The following SLC71A1 variants were observed in gnomAD, a reference collection of about 807,000 sequenced individuals.
SLC71A1 encodes the protein solute carrier family 71 member 1.
chr1:100,038,420 T>C, the SLC71A1 span: 1 of 918,954 alleles, frequency 1.1e-6, no homozygotes. Context: ...CCTCCCTCCC[T>C]TCCCCCACCC....
chr1:100,049,898 G>A, the SLC71A1 span: 1 of 1,487,980 alleles, frequency 6.7e-7, no homozygotes, highest in South Asian at 1.2e-5. Context: ...AAAAAATCTT[G>A]TTTTTTATAG....
the SLC71A1 span, among the ~76,000 whole-genome samples, chr1:100,081,699 T>C: frequency 6.6e-6 from 1 of 152,216 alleles, no homozygotes; most frequent in Non-Finnish European, 1.5e-5. Flanking sequence ...GAGATCTTTC[T>C]ATAAACGTTT....
chr1:100,070,831 A>G, the SLC71A1 span, among the ~76,000 whole-genome samples: 1 of 152,128 alleles, frequency 6.6e-6, no homozygotes, highest in Non-Finnish European at 1.5e-5. Flanking sequence ...CTAGATTACA[A>G]CTTAGTTTTA....
At chr1:100,078,756 A>C in the SLC71A1 span, 1 of 461,174 alleles carries the variant, frequency 2.2e-6, no homozygotes, top group Admixed American at 3.7e-5. Context: ...TATGTGGCTT[A>C]TCTGTTCTGT....
chr1:100,050,130 A>G, the SLC71A1 span: 2 of 548,250 alleles, frequency 3.6e-6, no homozygotes, highest in Admixed American at 7.1e-5. Context: ...AGTATTCACC[A>G]GTATTTTACT....
the SLC71A1 span, chr1:100,080,484 T>G: frequency 6.2e-7 from 1 of 1,606,640 alleles, no homozygotes; most frequent in Non-Finnish European, 8.5e-7. Flanking sequence ...ATAATTTGTT[T>G]AAACAATGTA....
At chr1:100,038,646 C>G in the SLC71A1 span, among the ~76,000 whole-genome samples, 1 of 152,082 alleles carries the variant, frequency 6.6e-6, no homozygotes, top group African/African-American at 2.4e-5. Context: ...CGGCGGCCCG[C>G]CCGCCGCGCC....
At chr1:100,071,161 A>C in the SLC71A1 span, among the ~76,000 whole-genome samples, 1 of 151,972 alleles carries the variant, frequency 6.6e-6, no homozygotes, top group Non-Finnish European at 1.5e-5. Context: ...GCTTTAAAAA[A>C]AGTTTTTGAG....
the SLC71A1 span, chr1:100,078,435 G>A: frequency 6.5e-7 from 1 of 1,548,172 alleles, no homozygotes; most frequent in South Asian, 1.1e-5. Context: ...TTTTTGTTTT[G>A]CTGCTCTCCT....
the SLC71A1 span, among the ~76,000 whole-genome samples, chr1:100,067,575 C>G: frequency 1.3e-5 from 2 of 152,142 alleles, no homozygotes; most frequent in Non-Finnish European, 2.9e-5. Flanking sequence ...CTTCGGGAGG[C>G]TGAGGTGGGA....
At chr1:100,081,035 T>C in the SLC71A1 span, among the ~76,000 whole-genome samples, 33,337 of 152,176 alleles carry the variant, frequency 0.22, 5,118 homozygotes, top group African/African-American at 0.44. Context: ...TATTTCCCTC[T>C]TTTCAACTGA....
the SLC71A1 span, among the ~76,000 whole-genome samples, chr1:100,055,345 A>ATTTTTTTTTTTTT: frequency 7.1e-6 from 1 of 140,256 alleles, no homozygotes; most frequent in Non-Finnish European, 1.6e-5. Flanking sequence ...CTTTTTTGCA[A>ATTTTTTTTTTTTT]TTTTTTTTTT....
chr1:100,051,452 CAG>C, the SLC71A1 span, among the ~76,000 whole-genome samples: 3 of 149,022 alleles, frequency 2.0e-5, no homozygotes, highest in African/African-American at 7.4e-5. Flanking sequence ...AAAAAAATAT[CAG>C]AGGGTTTTTT....
chr1:100,056,440 A>C, the SLC71A1 span, among the ~76,000 whole-genome samples: 2 of 152,162 alleles, frequency 1.3e-5, no homozygotes, highest in African/African-American at 4.8e-5. Flanking sequence ...TTAGCTATTA[A>C]GAATAGTGCT....
chr1:100,050,840 A>G, the SLC71A1 span, among the ~76,000 whole-genome samples: 1 of 152,116 alleles, frequency 6.6e-6, no homozygotes, highest in African/African-American at 2.4e-5. Flanking sequence ...TAATCCCAGC[A>G]TTTTGGGAGG....
the SLC71A1 span, among the ~76,000 whole-genome samples, chr1:100,067,642 C>T: frequency 6.6e-6 from 1 of 151,956 alleles, no homozygotes; most frequent in African/African-American, 2.4e-5. Flanking sequence ...GTGACTTCCA[C>T]CTCTATAAAA....
At chr1:100,066,342 A>G in the SLC71A1 span, among the ~76,000 whole-genome samples, 1 of 152,218 alleles carries the variant, frequency 6.6e-6, no homozygotes, top group Admixed American at 6.5e-5. Context: ...GAAAAGTCAC[A>G]GTGAAATTGG....
chr1:100,047,966 T>A, the SLC71A1 span, among the ~76,000 whole-genome samples: 1 of 152,206 alleles, frequency 6.6e-6, no homozygotes, highest in African/African-American at 2.4e-5. Context: ...TCACTTAAAA[T>A]CATTACCTAA....
the SLC71A1 span, chr1:100,077,160 T>C: frequency 7.9e-7 from 1 of 1,261,704 alleles, no homozygotes; most frequent in Non-Finnish European, 1.1e-6. Flanking sequence ...TTTTTTTTTT[T>C]TCAGACCATA....
Sources: allele counts gnomAD v4.1 joint callset (sites outside exome capture counted in the v4.1 genomes callset), GRCh38; gene constraint gnomAD v4.1.1; transcripts MANE v1.5; gene names NCBI Gene and HGNC (gene_info 2026-07-23, HGNC 2026-07-21).